CAMTA1: variants seen among roughly 807,000 people sequenced by gnomAD.
CAMTA1 encodes calmodulin-binding transcription activator 1.
CAMTA1 carries 27 observed loss-of-function variants against 170.9 expected under a neutral mutation model. The observed-to-expected ratio is 0.16, with a 90% CI of 0.12 to 0.22. The LOEUF is 0.22. Among genes scored for constraint, CAMTA1 ranks in the 10% least tolerant of loss-of-function variants. The probability of loss-of-function intolerance (pLI) is 1.00; values close to 1 mark genes in which losing one functional copy is unlikely to be tolerated. For synonymous variants in CAMTA1, 833 were observed against 891.5 expected (o/e 0.93, Z 1.17); for missense variants, 1,619 against 2,217.2 (o/e 0.73, Z 5.42).
At position 7,532,640 on chromosome 1, in the gene CAMTA1, A is replaced by C. The variant is rs957445618; in HGVS notation, c.510+64739A>C. Among the ~76,000 whole-genome samples, 6 of 152,190 alleles carry C rather than the reference A, an allele frequency of 3.9e-5. No individual in the cohort carries two copies. Among genetic ancestry groups the C allele is most frequent in the Non-Finnish European group, 5.9e-5 (4 of 68,028 alleles). On this transcript the variant is annotated intron_variant, in intron 6 of 22. Transcript: ENST00000303635. This position sits in a 1 kb window ranked among gnomAD's most constrained non-coding sequence, Gnocchi z 4.2. ...AGGTATTGAAACTTACAAAAAGCAT[A>C]GGGCTTGGCAACCTCCCTCTTCTCC...
Position 7,611,741 on chromosome 1 carries a change from G to A in CAMTA1, c.511-28659G>A, listed in dbSNP as rs2095525130. ...CCACCTGCACTCGCTGCCAGGGTAA[G>A]GTGGGGGCAGCTGCTGCTTCAGGCT... On this transcript the variant is annotated intron_variant, in intron 6 of 22. Transcript: ENST00000303635. Among the ~76,000 whole-genome samples the A allele has an allele frequency of 2.0e-5, 3 of 152,356 alleles. No individual in the cohort carries two copies. In the South Asian group the frequency reaches 6.2e-4, roughly 32 times the overall value.
At chr1:7,343,894 CT>C (rs1223634104) in intron 5 of CAMTA1, among the ~76,000 whole-genome samples, 1 of 152,228 alleles carries the variant, frequency 6.6e-6, no homozygotes, top group African/African-American at 2.4e-5. Context: ...ATTTTCGCAG[CT>C]GTGTAATATT....
At chr1:7,354,521 A>G (rs1438422628) in intron 5 of CAMTA1, among the ~76,000 whole-genome samples, 1 of 152,216 alleles carries the variant, frequency 6.6e-6, no homozygotes, top group African/African-American at 2.4e-5. Context: ...TATTTTGCAT[A>G]ATGCTGCAAT....
At position 7,287,574 on chromosome 1, in the gene CAMTA1, C is replaced by CCTTCTT. The variant is rs918222458; in HGVS notation, c.438+37962_438+37967dup. 1.1e-4 allele frequency among the ~76,000 whole-genome samples: 17 copies of CCTTCTT among 151,886 alleles called. No individual in the cohort carries two copies. The South Asian group carries it at 3.5e-3, about 32-fold the overall frequency. On this transcript the variant is annotated intron_variant, in intron 5 of 22. Coordinates refer to ENST00000303635, the MANE Select transcript of CAMTA1 (RefSeq NM_015215.4). ...TGTGCTGGTAATAAACAAGCCCTTT[C>CCTTCTT]CTTCTTCTTCTTCTTCTTCATCATC...
chr1:7,330,812 C>G (rs1485043859), intron 5 of CAMTA1, among the ~76,000 whole-genome samples: 1 of 152,184 alleles, frequency 6.6e-6, no homozygotes, highest in Non-Finnish European at 1.5e-5. Context: ...GACAGTGAAG[C>G]CTGGCCCGCA....
intron 4 of CAMTA1, among the ~76,000 whole-genome samples, chr1:7,163,807 A>T (rs1311052616): frequency 6.6e-6 from 1 of 152,206 alleles, no homozygotes; most frequent in Non-Finnish European, 1.5e-5. Flanking sequence ...GGAGCAGGCC[A>T]GGGAGGGACA....
chr1:7,175,086 G>C (rs879763966), intron 4 of CAMTA1, among the ~76,000 whole-genome samples: 2 of 152,162 alleles, frequency 1.3e-5, no homozygotes, highest in Non-Finnish European at 2.9e-5. Flanking sequence ...GTGTCTGCAG[G>C]TGTGTAGGAC....
At chr1:7,625,615 G>C (rs192091025) in intron 6 of CAMTA1, among the ~76,000 whole-genome samples, 1 of 152,284 alleles carries the variant, frequency 6.6e-6, no homozygotes, top group South Asian at 2.1e-4. Flanking sequence ...AGGCAGTGTC[G>C]GGGTTCACGA....
In CAMTA1 at chr1:6,785,472, C is replaced by T. The variant is rs1461607493; in HGVS notation, c.-59C>T. On this transcript the variant is annotated 5_prime_UTR_variant, in exon 1 of 23. Coordinates refer to ENST00000303635, the MANE Select transcript of CAMTA1 (RefSeq NM_015215.4). ...GCGCGGCGGCGGCGGGGTGGCTGGG[C>T]CGGCGGCGGCGGCGGTACGAGGCGC... is the stretch of plus-strand genomic sequence containing the variant. 381 of 998,184 alleles carry T rather than the reference C, an allele frequency of 3.8e-4. 1 individual carries two copies. The highest frequency in any genetic ancestry group is 5.1e-4 in the Middle Eastern group (1 of 1,976). 61.8% of individuals were successfully genotyped at this position (998,184 alleles called of 1,614,324 possible). A position where few individuals can be genotyped will look rare whatever the true frequency, so the allele number is the denominator to read the frequency against.
At chr1:7,383,716 GTGA>G (rs951891975) in intron 5 of CAMTA1, among the ~76,000 whole-genome samples, 10 of 152,136 alleles carry the variant, frequency 6.6e-5, no homozygotes, top group African/African-American at 2.4e-4. Flanking sequence ...CAAGATGATG[GTGA>G]TGGTGGTGGT....
intron 5 of CAMTA1, among the ~76,000 whole-genome samples, chr1:7,447,324 G>A (rs2092704633): frequency 6.6e-6 from 1 of 151,674 alleles, no homozygotes; most frequent in African/African-American, 2.4e-5. Context: ...ACGCATGGAT[G>A]GCATGACACC....
At chr1:7,352,857 G>C (rs1574869395) in intron 5 of CAMTA1, among the ~76,000 whole-genome samples, 1 of 152,354 alleles carries the variant, frequency 6.6e-6, no homozygotes, top group East Asian at 1.9e-4. Flanking sequence ...GAGCCAGGGA[G>C]CTGGGATGAA....
rs1310618558 is a variant in CAMTA1, at chr1:7,634,178, G to T, written c.511-6222G>T. On this transcript the variant is annotated intron_variant, in intron 6 of 22. Coordinates refer to ENST00000303635, the MANE Select transcript of CAMTA1 (RefSeq NM_015215.4). This position sits in a 1 kb window ranked among gnomAD's most constrained non-coding sequence, Gnocchi z 6.2. ...CAGACGTGAGGACACCCGGGAGGAG[G>T]GCACACTCCCACGTGCGCAGGAGAG... Among the ~76,000 whole-genome samples the T allele has an allele frequency of 1.3e-5, 2 of 152,180 alleles. No individual in the cohort carries two copies. Among genetic ancestry groups the T allele is most frequent in the African/African-American group, 4.8e-5 (2 of 41,444 alleles).
At chr1:7,107,984 C>G (rs1220149152) in intron 4 of CAMTA1, among the ~76,000 whole-genome samples, 1 of 152,180 alleles carries the variant, frequency 6.6e-6, no homozygotes, top group Non-Finnish European at 1.5e-5. Flanking sequence ...ACACAACCAC[C>G]CCCTCGCTCA....
chr1:7,704,272 G>T, intron 11 of CAMTA1, among the ~76,000 whole-genome samples: 1 of 146,092 alleles, frequency 6.8e-6, no homozygotes, highest in Non-Finnish European at 1.5e-5. Flanking sequence ...GGCAGGGCGG[G>T]CGCGGGGCGG....
intron 11 of CAMTA1, among the ~76,000 whole-genome samples, chr1:7,722,114 G>A (rs1158922649): frequency 6.6e-6 from 1 of 152,150 alleles, no homozygotes; most frequent in East Asian, 1.9e-4. Flanking sequence ...TCCTGGCATA[G>A]ACACTTTCTC....
intron 6 of CAMTA1, among the ~76,000 whole-genome samples, chr1:7,501,998 G>T (rs1249514900): frequency 3.3e-5 from 5 of 152,232 alleles, no homozygotes; most frequent in Non-Finnish European, 7.3e-5. Context: ...TGGGGAGGAA[G>T]CTAGGGGATC....
intron 5 of CAMTA1, among the ~76,000 whole-genome samples, chr1:7,296,659 G>A (rs1574498381): frequency 6.6e-6 from 1 of 152,140 alleles, no homozygotes; most frequent in East Asian, 1.9e-4. Context: ...AGTGGAGCAG[G>A]TCTAGGGGGA....
intron 4 of CAMTA1, among the ~76,000 whole-genome samples, chr1:7,127,300 A>G (rs1333837920): frequency 8.2e-6 from 1 of 122,000 alleles, no homozygotes; most frequent in Non-Finnish European, 1.6e-5. Flanking sequence ...TTTAGGATCT[A>G]CGATGGGAAG....
Sources: gnomAD v4.1 joint callset for allele counts (sites outside exome capture counted in the v4.1 genomes callset) on GRCh38, gnomAD v4.1.1 for gene constraint, Gnocchi (gnomAD v3.1) non-coding constraint, MANE v1.5 for transcripts, NCBI Gene and HGNC (gene_info 2026-07-23, HGNC 2026-07-21) for gene names.